Variants in VSX2 observed in about 807,000 individuals in gnomAD.
The protein encoded by VSX2 is visual system homeobox 2.
VSX2 carries 28 observed loss-of-function variants against 32.1 expected under a neutral mutation model. The ratio of observed to expected loss-of-function variants is 0.87; its 90% CI spans 0.65 to 1.20. The LOEUF is 1.20. Ranked by LOEUF, VSX2 falls within the 50% of genes most tolerant of loss-of-function variation. The pLI is 0.00. For missense variants in VSX2, 506 were observed against 488.7 expected, an observed-to-expected ratio of 1.04 and a Z score of -0.33; for synonymous variants, 243 against 214.1, an observed-to-expected ratio of 1.14 and a Z score of -1.18.
At position 74,260,610 on chromosome 14, in the gene VSX2, G is replaced by A. The variant is rs371707151; in HGVS notation, c.777G>A (p.Ser259=). ...APWLLGMHKK[S]LEAAAESGRK... is the part of the protein sequence containing the mutation. Reference sequence around the variant, plus strand: ...TCTTTCTAGGGATGCACAAAAAGTCGCTGGAGGCAGCAGCCGAGTCGGGGA... The same window carrying A: ...TCTTTCTAGGGATGCACAAAAAGTCACTGGAGGCAGCAGCCGAGTCGGGGA... Residue 259 remains serine, a synonymous_variant, in exon 5 of 5, where the codon TCG becomes TCA. Transcript: ENST00000261980. 3.4e-5 allele frequency: 54 copies of A among 1,603,544 alleles called. No individual in the cohort carries two copies. Among genetic ancestry groups the A allele is most frequent in the Non-Finnish European group, 4.2e-5 (49 of 1,175,778 alleles).
Position 74,239,652 on chromosome 14 carries a change from G to A in VSX2, c.91G>A (p.Gly31Arg), listed in dbSNP as rs1555387462. The A allele has an allele frequency of 6.4e-7, 1 of 1,550,842 alleles. No individual in the cohort carries two copies. The highest frequency in any genetic ancestry group is 8.7e-7 in the Non-Finnish European group (1 of 1,146,930). ...GGGGGGCGCCCCGGCCAGGTGCACT[G>A]GGTTCGGCATCCAGGAGATCCTGGG... Reference protein sequence around the residue: ...TSGGAPARCTGFGIQEILGLN... With the variant: ...TSGGAPARCTRFGIQEILGLN... Residue 31 changes from glycine (G) to arginine (R), a missense_variant, in exon 1 of 5, where the codon GGG (glycine) becomes AGG (arginine). By Grantham distance (125) the Gly-to-Arg change is moderately radical. Coordinates refer to ENST00000261980, the MANE Select transcript of VSX2 (RefSeq NM_182894.3).
At position 74,260,863 on chromosome 14, in the gene VSX2, G is replaced by T; in HGVS notation, c.1030G>T (p.Asp344Tyr). The T allele has an allele frequency of 6.4e-7, 1 of 1,569,002 alleles. No homozygotes were observed. Among genetic ancestry groups the T allele is most frequent in the Non-Finnish European group, 8.6e-7 (1 of 1,157,304 alleles). The change falls in exon 5 of 5, where the codon GAT becomes TAT. Residue 344 changes from aspartate (D) to tyrosine (Y), a missense_variant. Asp to Tyr is a radical substitution (Grantham distance 160). Transcript: ENST00000261980. Reference sequence around the variant, plus strand: ...GAAGCCAGAGGAGGAGGAGGCCATGGATGAAGACAGGCCGGCGGAGAGGCT... The same window carrying T: ...GAAGCCAGAGGAGGAGGAGGCCATGTATGAAGACAGGCCGGCGGAGAGGCT... ...TEKPEEEEAM[D>Y]EDRPAERLSP...
chr14:74,244,929 T>TGTGTGAGAGAGAGAGAGA (rs1555387789), intron 2 of VSX2, among the ~76,000 whole-genome samples: 1 of 38,852 alleles, frequency 2.6e-5, no homozygotes, highest in Non-Finnish European at 6.4e-5. Flanking sequence ...TGTGTGTGTG[T>TGTGTGAGAGAGAGAGAGA]GAAAGAGAGA....
In VSX2 at chr14:74,260,584, T is replaced by C. The variant is rs757274145; in HGVS notation, c.761-10T>C. On this transcript the variant is annotated splice_polypyrimidine_tract_variant and intron_variant, in intron 4 of 4. Coordinates refer to ENST00000261980, the MANE Select transcript of VSX2 (RefSeq NM_182894.3). ...CTTTTCTAAACCCGAATACCAACAA[T>C]TCTTTCTAGGGATGCACAAAAAGTC... is the stretch of plus-strand genomic sequence containing the variant. The C allele has an allele frequency of 2.1e-5, 34 of 1,595,122 alleles. No individual in the cohort carries two copies. The highest frequency in any genetic ancestry group is 2.9e-5 in the Non-Finnish European group (34 of 1,171,166).
chr14:74,248,342 A>AC (rs1311365736), intron 3 of VSX2, among the ~76,000 whole-genome samples: 14 of 139,640 alleles, frequency 1.0e-4, no homozygotes, highest in South Asian at 4.6e-4. Flanking sequence ...GCTAAAAAAA[A>AC]AAAAAAAAAC....
chr14:74,252,906 G>A (rs896409593), intron 3 of VSX2, among the ~76,000 whole-genome samples: 1 of 151,786 alleles, frequency 6.6e-6, no homozygotes, highest in African/African-American at 2.4e-5. Flanking sequence ...AAAATAAGCC[G>A]GGCATGGTGG....
chr14:74,259,952 G>T (rs2079293434), intron 4 of VSX2, among the ~76,000 whole-genome samples, 170 bp downstream of exon 4: 1 of 152,186 alleles, frequency 6.6e-6, no homozygotes, highest in African/African-American at 2.4e-5. Flanking sequence ...AGAGCAGGGT[G>T]GGCCTGGGGC....
chr14:74,249,347 C>T (rs2079215149), intron 3 of VSX2, among the ~76,000 whole-genome samples: 1 of 151,784 alleles, frequency 6.6e-6, no homozygotes, highest in Non-Finnish European at 1.5e-5. Context: ...CTCGGCTCAC[C>T]GAAGCCTCTG....
chr14:74,241,260 G>A lies in VSX2; in HGVS notation c.449G>A (p.Arg150Gln), dbSNP rs760583829. The A allele has an allele frequency of 3.1e-6, 5 of 1,612,818 alleles. No homozygotes were observed. Among genetic ancestry groups the A allele is most frequent in the Admixed American group, 3.3e-5 (2 of 60,034 alleles). The change falls in exon 2 of 5, where the codon CGA (arginine) becomes CAA (glutamine). Residue 150 changes from arginine (R) to glutamine (Q), a missense_variant. Physicochemically the swap from Arg to Gln is conservative, Grantham distance 43 (BLOSUM62 1). Coordinates refer to ENST00000261980, the MANE Select transcript of VSX2 (RefSeq NM_182894.3). ...LNQTKKRKKR[R>Q]HRTIFTSYQL... ...CAGACCAAGAAACGGAAGAAGCGGC[G>A]ACACAGGTGAGGCCCCCGCTTTCTG... is the stretch of plus-strand genomic sequence containing the variant.
At chr14:74,249,671 C>G (rs932613665) in intron 3 of VSX2, among the ~76,000 whole-genome samples, 1 of 152,168 alleles carries the variant, frequency 6.6e-6, no homozygotes, top group African/African-American at 2.4e-5. Flanking sequence ...TAAAGTAAGA[C>G]TGGGATTCAA....
Position 74,239,903 on chromosome 14 carries a change from G to A in VSX2, c.342G>A (p.Pro114=). 1 of 1,570,826 alleles carries A rather than the reference G, an allele frequency of 6.4e-7. No homozygotes were observed. Among genetic ancestry groups the A allele is most frequent in the East Asian group, 2.3e-5 (1 of 43,004 alleles). The change falls in exon 1 of 5, where the codon CCG becomes CCA. Residue 114 remains proline (P), a synonymous_variant. Coordinates refer to ENST00000261980, the MANE Select transcript of VSX2 (RefSeq NM_182894.3). ...HLQPLGRASG[P]LDTSQTASSD... ...AGCCATTGGGCAGAGCATCGGGGCC[G>A]CTGGACACCAGCCAGACGGCCAGCT...
In VSX2 at chr14:74,260,593, G is replaced by A; in HGVS notation, c.761-1G>A. ...ACCCGAATACCAACAATTCTTTCTA[G>A]GGATGCACAAAAAGTCGCTGGAGGC... On this transcript the variant is annotated splice_acceptor_variant, in intron 4 of 4. Transcript: ENST00000261980. LOFTEE classifies it high-confidence loss of function. 1 of 1,600,184 alleles carries A rather than the reference G, an allele frequency of 6.2e-7. No homozygotes were observed. Among genetic ancestry groups the A allele is most frequent in the Non-Finnish European group, 8.5e-7 (1 of 1,173,948 alleles).
intron 3 of VSX2, among the ~76,000 whole-genome samples, chr14:74,246,638 C>G (rs1202831226): frequency 1.3e-5 from 2 of 152,188 alleles, no homozygotes; most frequent in African/African-American, 2.4e-5. Flanking sequence ...TAAGCCAAGC[C>G]TTAAACTGCA....
intron 2 of VSX2, among the ~76,000 whole-genome samples, chr14:74,242,617 CTT>C (rs5809656): frequency 0.053 from 7,567 of 143,412 alleles, 350 homozygotes; most frequent in African/African-American, 0.12. Flanking sequence ...GATCTTTGGT[CTT>C]TTTTTTTTTT....
Position 74,241,277 on chromosome 14 carries a change from C to T in VSX2, c.455+11C>T, listed in dbSNP as rs765358069. 1.2e-6 allele frequency: 2 copies of T among 1,611,908 alleles called. No homozygotes were observed. Among genetic ancestry groups the T allele is most frequent in the Non-Finnish European group, 1.7e-6 (2 of 1,179,660 alleles). On this transcript the variant is annotated intron_variant, in intron 2 of 4. Coordinates refer to ENST00000261980, the MANE Select transcript of VSX2 (RefSeq NM_182894.3). ...GAAGCGGCGACACAGGTGAGGCCCC[C>T]GCTTTCTGTTACCTCTCCTGCCCGC...
At position 74,259,518 on chromosome 14, in the gene VSX2, C is replaced by A. The variant is rs547411773; in HGVS notation, c.580-84C>A. On this transcript the variant is annotated intron_variant, in intron 3 of 4. Transcript: ENST00000261980. Reference sequence around the variant, plus strand: ...GTTAAGGACGCCCTGCTGGAGAAATCTTCACTCCAAGCCTACAAGGGGTAA... The same window carrying A: ...GTTAAGGACGCCCTGCTGGAGAAATATTCACTCCAAGCCTACAAGGGGTAA... 1.3e-5 allele frequency: 21 copies of A among 1,565,292 alleles called. No individual in the cohort carries two copies. In the African/African-American group the frequency reaches 2.8e-4, roughly 21 times the overall value.
chr14:74,241,272 G>C lies in VSX2; in HGVS notation c.455+6G>C. ...CGGAAGAAGCGGCGACACAGGTGAG[G>C]CCCCCGCTTTCTGTTACCTCTCCTG... On this transcript the variant is annotated splice_donor_region_variant and intron_variant, in intron 2 of 4. Transcript: ENST00000261980. 1 of 1,612,338 alleles carries C rather than the reference G, an allele frequency of 6.2e-7. No homozygotes were observed. Among genetic ancestry groups the C allele is most frequent in the Non-Finnish European group, 8.5e-7 (1 of 1,179,904 alleles).
Position 74,244,945 on chromosome 14 carries a change from A to AGTGTGTGT in VSX2, c.456-190_456-183dup, listed in dbSNP as rs59905689. ...GTGTGTGTGTGAAAGAGAGAGAGAA[A>AGTGTGTGT]GTGTGTGTGTGTGTGTGTGTGTGTG... is the stretch of plus-strand genomic sequence containing the variant. On this transcript the variant is annotated intron_variant, in intron 2 of 4. Coordinates refer to ENST00000261980, the MANE Select transcript of VSX2 (RefSeq NM_182894.3). 1.7e-3 allele frequency among the ~76,000 whole-genome samples: 104 copies of AGTGTGTGT among 60,128 alleles called. 9 individuals are homozygous for AGTGTGTGT. The highest frequency in any genetic ancestry group is 2.8e-3 in the Non-Finnish European group (86 of 30,704). The allele number at this position is 60,128 out of a possible 152,430, so 39.4% of individuals were successfully genotyped here. A position where few individuals can be genotyped will look rare whatever the true frequency, so the allele number is the denominator to read the frequency against.
intron 3 of VSX2, among the ~76,000 whole-genome samples, chr14:74,250,905 C>A (rs1323998302): frequency 6.6e-6 from 1 of 151,592 alleles, no homozygotes; most frequent in African/African-American, 2.4e-5. Context: ...CCTCGGCCTC[C>A]CAAAATGCTG....
Sources: gnomAD v4.1 joint callset for allele counts (sites outside exome capture counted in the v4.1 genomes callset) on GRCh38, gnomAD v4.1.1 for gene constraint, MANE v1.5 for transcripts, NCBI Gene and HGNC (gene_info 2026-07-23, HGNC 2026-07-21) for gene names.